SLC25A48: variants seen among roughly 807,000 people sequenced by gnomAD.
SLC25A48 encodes solute carrier family 25 member 48, also known as CTC-321K16.1.
A neutral mutation model predicts 32.2 loss-of-function variants in SLC25A48; 29 were observed. The ratio of observed to expected loss-of-function variants is 0.90; its 90% CI spans 0.67 to 1.23. SLC25A48 has a LOEUF of 1.23. Ranked by LOEUF, SLC25A48 falls within the 50% of genes most tolerant of loss-of-function variation. SLC25A48 has a pLI of 0.00. For missense variants in SLC25A48, 399 were observed against 422.7 expected (o/e 0.94, Z 0.49); for synonymous variants, 164 against 172.3 (o/e 0.95, Z 0.38).
chr5:135,849,765 G>A lies in SLC25A48; in HGVS notation c.91-660G>A, dbSNP rs142628824. 6.3e-3 allele frequency among the ~76,000 whole-genome samples: 957 copies of A among 152,284 alleles called. 5 individuals carry two copies. The highest frequency in any genetic ancestry group is 0.014 in the Middle Eastern group (4 of 294). On this transcript the variant is annotated intron_variant, in intron 2 of 7. Coordinates refer to ENST00000681962, the MANE Select transcript of SLC25A48 (RefSeq NM_001349336.2). ...GGAACAGCAGGGGCAGCTGGCTGGA[G>A]GCAGGAAAGAATTGCTGCTCTAGGG...
chr5:135,698,102 A>G (rs1303856623), intron 3 of SLC25A48, among the ~76,000 whole-genome samples: 1 of 152,234 alleles, frequency 6.6e-6, no homozygotes, highest in East Asian at 1.9e-4. Flanking sequence ...AAATCACATT[A>G]TCTACCAAGT....
rs1762798754 is a variant in SLC25A48 at position 135,888,049 on chromosome 5, AC to A, written c.*26del. 1.2e-5 allele frequency: 18 copies of A among 1,551,630 alleles called. No homozygotes were observed. The highest frequency in any genetic ancestry group is 1.5e-5 in the Non-Finnish European group (17 of 1,146,796). On this transcript the variant is annotated 3_prime_UTR_variant, in exon 8 of 8. Transcript: ENST00000681962. The stretch of plus-strand genomic sequence containing the variant: ...GTTTCCAGGAGGTGAACACAGGATG[AC>A]TACAGTGTTCCCTGGGCCTCATCTC...
intron 1 of SLC25A48, among the ~76,000 whole-genome samples, chr5:135,836,014 G>A (rs1758474346): frequency 6.6e-6 from 1 of 152,212 alleles, no homozygotes; most frequent in African/African-American, 2.4e-5. Context: ...CCTGAGGCCC[G>A]CTGGGCATAT....
intron 6 of SLC25A48, among the ~76,000 whole-genome samples, chr5:135,878,320 A>G (rs552537684): frequency 7.2e-5 from 11 of 152,156 alleles, no homozygotes; most frequent in Non-Finnish European, 1.6e-4. Flanking sequence ...CCAGACCCAC[A>G]GGGGAACCTC....
At chr5:135,654,228 T>C (rs1474179620) in intron 3 of SLC25A48, among the ~76,000 whole-genome samples, 13 of 152,174 alleles carry the variant, frequency 8.5e-5, no homozygotes, top group Non-Finnish European at 1.5e-5. Flanking sequence ...TGGCATCATG[T>C]ATTGGTTGCT....
chr5:135,840,304 A>G (rs1481638185), intron 1 of SLC25A48, among the ~76,000 whole-genome samples: 1 of 152,214 alleles, frequency 6.6e-6, no homozygotes, highest in African/African-American at 2.4e-5. Flanking sequence ...AGGTGCTGTT[A>G]TTATTCCCAC....
At chr5:135,699,396 T>C (rs6596257) in intron 3 of SLC25A48, among the ~76,000 whole-genome samples, 122,935 of 150,704 alleles carry the variant, frequency 0.82, 50,368 homozygotes, top group Middle Eastern at 0.89. Context: ...CCAAAAACAT[T>C]ACGCTGGGAA....
At chr5:135,745,182 AGC>A (rs1162471451) in intron 3 of SLC25A48, among the ~76,000 whole-genome samples, 1 of 152,252 alleles carries the variant, frequency 6.6e-6, no homozygotes, top group East Asian at 1.9e-4. Context: ...ACTTATTGAC[AGC>A]AAGCCAGTGA....
intron 3 of SLC25A48, among the ~76,000 whole-genome samples, chr5:135,796,292 C>T (rs191751993): frequency 6.0e-5 from 9 of 151,022 alleles, no homozygotes; most frequent in African/African-American, 1.9e-4. Flanking sequence ...GCGGGGGAGA[C>T]GGTGATATCT....
At chr5:135,592,517 G>A (rs1342355225) in intron 1 of SLC25A48, among the ~76,000 whole-genome samples, 8 of 152,202 alleles carry the variant, frequency 5.3e-5, no homozygotes, top group Admixed American at 6.5e-5. Context: ...AGAGAAGGGC[G>A]TGTTAAGGGC....
intron 4 of SLC25A48, chr5:135,826,890 A>G (rs1158981627): frequency 1.3e-5 from 2 of 152,282 alleles, no homozygotes; most frequent in East Asian, 3.8e-4. Context: ...GTGCTCCCCT[A>G]GACCCATCTT....
intron 3 of SLC25A48, among the ~76,000 whole-genome samples, chr5:135,652,646 G>A (rs887689511): frequency 9.2e-5 from 14 of 152,204 alleles, no homozygotes; most frequent in African/African-American, 3.4e-4. Context: ...AAAGGACATA[G>A]TATATGCTTT....
chr5:135,699,388 A>C (rs544737132), intron 3 of SLC25A48, among the ~76,000 whole-genome samples: 9 of 130,016 alleles, frequency 6.9e-5, no homozygotes, highest in Non-Finnish European at 1.3e-4. Flanking sequence ...TGAATCCCCC[A>C]AAAACATTAC....
At chr5:135,883,198 A>G (rs1762595655) in intron 7 of SLC25A48, 9 of 985,334 alleles carry the variant, frequency 9.1e-6, no homozygotes, top group African/African-American at 1.7e-5. Flanking sequence ...TTCCTTCACA[A>G]TTACAAGCAT....
intron 3 of SLC25A48, among the ~76,000 whole-genome samples, chr5:135,798,503 C>CG (rs534357397): frequency 1.1e-4 from 17 of 151,248 alleles, no homozygotes; most frequent in Admixed American, 2.7e-4. Flanking sequence ...TACTAATAAC[C>CG]GGGGGGGAGA....
chr5:135,843,713 C>T (rs1031408802), intron 2 of SLC25A48, among the ~76,000 whole-genome samples: 1 of 152,196 alleles, frequency 6.6e-6, no homozygotes, highest in Non-Finnish European at 1.5e-5. Context: ...GAGGGACAAG[C>T]TAGTGCAAAG....
intron 4 of SLC25A48, among the ~76,000 whole-genome samples, chr5:135,869,983 C>A (rs369920059): frequency 6.6e-6 from 1 of 152,154 alleles, no homozygotes. Flanking sequence ...GAAACCACCC[C>A]CTCAACCTCA....
intron 3 of SLC25A48, among the ~76,000 whole-genome samples, chr5:135,720,676 A>G (rs534749054): frequency 6.6e-6 from 1 of 152,280 alleles, no homozygotes; most frequent in South Asian, 2.1e-4. Context: ...TCCTGGTCAC[A>G]TGATCATCTC....
At chr5:135,851,885 CTG>C (rs1279412772) in intron 3 of SLC25A48, among the ~76,000 whole-genome samples, 2 of 152,098 alleles carry the variant, frequency 1.3e-5, no homozygotes, top group African/African-American at 2.4e-5. Flanking sequence ...CTCCTGCAGC[CTG>C]TGTGTGCGCA....
Sources: allele counts gnomAD v4.1 joint callset (sites outside exome capture counted in the v4.1 genomes callset), GRCh38; gene constraint gnomAD v4.1.1; transcripts MANE v1.5; gene names NCBI Gene and HGNC (gene_info 2026-07-23, HGNC 2026-07-21).